The following SHROOM3 variants were observed in gnomAD, a reference collection of about 807,000 sequenced individuals.
SHROOM3 encodes the protein shroom family member 3.
In SHROOM3, 47 loss-of-function variants were observed where a neutral mutation model predicts 138.6. The ratio of observed to expected loss-of-function variants is 0.34; its 90% CI spans 0.27 to 0.43. SHROOM3 has a LOEUF of 0.43. Ranked by LOEUF, SHROOM3 falls within the 20% of genes least tolerant of loss-of-function variation. The pLI is 1.00. For missense variants in SHROOM3, 2,491 were observed against 2,596.5 expected (o/e 0.96, Z 0.88); for synonymous variants, 1,062 against 1,063.3 (o/e 1.00, Z 0.02).
chr4:76,520,266 T>C (rs1732534881), intron 1 of SHROOM3, among the ~76,000 whole-genome samples: 1 of 152,192 alleles, frequency 6.6e-6, no homozygotes, highest in Non-Finnish European at 1.5e-5. Flanking sequence ...TTGGCAGCAT[T>C]TCAAGACTTT....
rs1560563360 is a variant in SHROOM3, at chr4:76,608,663, T to TAGCATAGCATAGCATAGCAC, written c.323+52904_323+52905insTAGCATAGCATAGCACAGCA. Among the ~76,000 whole-genome samples, 13 of 31,440 alleles carry TAGCATAGCATAGCATAGCAC rather than the reference T, an allele frequency of 4.1e-4. 1 individual carries two copies. The highest frequency in any genetic ancestry group is 6.9e-4 in the African/African-American group (12 of 17,512). The allele number at this position is 31,440 out of a possible 152,430, so 20.6% of individuals were successfully genotyped here. ...TAGCATAGCATAGCATAGCATAGCA[T>TAGCATAGCATAGCATAGCAC]AGCACAGCATAGCACAGCACAGCAC... On this transcript the variant is annotated intron_variant, in intron 2 of 10. Coordinates refer to ENST00000296043, the MANE Select transcript of SHROOM3 (RefSeq NM_020859.4).
At chr4:76,777,683 G>C (rs1722612014) in intron 10 of SHROOM3, among the ~76,000 whole-genome samples, 1 of 152,124 alleles carries the variant, frequency 6.6e-6, no homozygotes, top group Non-Finnish European at 1.5e-5. Context: ...CAGTTCTCAG[G>C]GGGAATGCTT....
intron 1 of SHROOM3, among the ~76,000 whole-genome samples, chr4:76,527,165 A>G (rs1436485664): frequency 6.6e-6 from 1 of 152,204 alleles, no homozygotes. Flanking sequence ...TAGAAGAGTG[A>G]CACCACAGGT....
intron 2 of SHROOM3, among the ~76,000 whole-genome samples, chr4:76,583,349 T>G (rs1345871006): frequency 6.6e-6 from 1 of 152,182 alleles, no homozygotes; most frequent in East Asian, 1.9e-4. Flanking sequence ...TGCTCTATGC[T>G]CTCACCTCAG....
intron 2 of SHROOM3, among the ~76,000 whole-genome samples, chr4:76,590,585 C>T (rs1046901580): frequency 1.3e-5 from 2 of 150,704 alleles, no homozygotes; most frequent in African/African-American, 4.9e-5. Context: ...AGAATCAGGA[C>T]AGCATTCAGA....
intron 2 of SHROOM3, among the ~76,000 whole-genome samples, chr4:76,614,410 G>A (rs1734829542): frequency 6.6e-6 from 1 of 152,128 alleles, no homozygotes; most frequent in Admixed American, 6.5e-5. Flanking sequence ...GGGGCAAATG[G>A]AGGACTCGTG....
intron 1 of SHROOM3, among the ~76,000 whole-genome samples, chr4:76,466,722 A>G (rs1424706558): frequency 6.6e-6 from 1 of 152,190 alleles, no homozygotes; most frequent in Non-Finnish European, 1.5e-5. Flanking sequence ...CTGGCAAAAA[A>G]TACTCAGACT....
rs756944081 is a variant in SHROOM3 at position 76,741,790 on chromosome 4, C to T, written c.3617C>T (p.Pro1206Leu). 2.5e-6 allele frequency: 4 copies of T among 1,579,670 alleles called. No homozygotes were observed. The highest frequency in any genetic ancestry group is 2.6e-6 in the Non-Finnish European group (3 of 1,163,348). The change falls in exon 5 of 11, where the codon CCC (proline) becomes CTC (leucine). Residue 1206 changes from proline to leucine, a missense_variant. This residue lies in a region of SHROOM3 where 1,733 missense variants were observed against 1,661.6 expected (regional missense o/e 1.04). Transcript: ENST00000296043. The surrounding 1 kb of genome is among the most constrained non-coding windows in gnomAD (Gnocchi z 6.2). ...GGCACCCAGAGAGGGGATGAGACCC[C>T]CAGGGAGCCATCCTCCTGGGGGGCC... ...TRGTQRGDET[P>L]REPSSWGARA... is the part of the protein sequence containing the mutation.
At chr4:76,738,436 A>G (rs1274433032) in intron 4 of SHROOM3, among the ~76,000 whole-genome samples, 1 of 152,220 alleles carries the variant, frequency 6.6e-6, no homozygotes, top group Non-Finnish European at 1.5e-5. Context: ...TTCTTGGCAC[A>G]TGCAAAATGT....
At chr4:76,459,961 G>C (rs1416200071) in intron 1 of SHROOM3, among the ~76,000 whole-genome samples, 1 of 151,998 alleles carries the variant, frequency 6.6e-6, no homozygotes, top group African/African-American at 2.4e-5. Context: ...TATTTACAAG[G>C]TTCTTGTGAG....
At chr4:76,465,626 A>G (rs1006453338) in intron 1 of SHROOM3, among the ~76,000 whole-genome samples, 1 of 152,000 alleles carries the variant, frequency 6.6e-6, no homozygotes, top group Non-Finnish European at 1.5e-5. Context: ...CTCTTCTCCT[A>G]TTTCTGATAC....
chr4:76,502,870 A>T (rs140087215), intron 1 of SHROOM3, among the ~76,000 whole-genome samples: 2,228 of 152,266 alleles, frequency 0.015, 19 homozygotes, highest in Non-Finnish European at 0.021. Flanking sequence ...TATCCAGTGA[A>T]CCTAGAACCT....
rs148922977 is a variant in SHROOM3, at chr4:76,565,252, A to G, written c.323+9489A>G. On this transcript the variant is annotated intron_variant, in intron 2 of 10. Coordinates refer to ENST00000296043, the MANE Select transcript of SHROOM3 (RefSeq NM_020859.4). ...TGAGTTCTGAGATCAAATAAAAGTT[A>G]TGGTGGAATCTTTCCCCCCAGTTTT... 5.6e-3 allele frequency among the ~76,000 whole-genome samples: 847 copies of G among 151,876 alleles called. 11 individuals are homozygous for G. Among genetic ancestry groups the G allele is most frequent in the African/African-American group, 0.019 (807 of 41,392 alleles).
chr4:76,642,301 C>T (rs1443725030), intron 2 of SHROOM3, among the ~76,000 whole-genome samples: 2 of 152,310 alleles, frequency 1.3e-5, no homozygotes, highest in East Asian at 3.9e-4. Context: ...ATACATATGA[C>T]ACCCTCAACC....
chr4:76,570,924 C>T (rs560157968), intron 2 of SHROOM3, among the ~76,000 whole-genome samples: 5 of 152,276 alleles, frequency 3.3e-5, no homozygotes, highest in Non-Finnish European at 7.4e-5. Flanking sequence ...ACTAAATGTA[C>T]ATGAGGTGAT....
intron 2 of SHROOM3, among the ~76,000 whole-genome samples, chr4:76,648,253 A>G (rs1394647241): frequency 6.6e-6 from 1 of 152,230 alleles, no homozygotes; most frequent in African/African-American, 2.4e-5. Context: ...GCTTGAGTCC[A>G]GGAAGCTGAG....
rs574075300 is a variant in SHROOM3, at chr4:76,664,321, G to T, written c.324-45835G>T. 1.3e-5 allele frequency among the ~76,000 whole-genome samples: 2 copies of T among 152,264 alleles called. No homozygotes were observed. Among genetic ancestry groups the T allele is most frequent in the Non-Finnish European group, 2.9e-5 (2 of 68,026 alleles). ...CACTTTCTCATCTAAAGAGCTTACTGAACCTAACTTCTTTGGAGAACATCT... is the reference window on the plus strand; with the variant it reads ...CACTTTCTCATCTAAAGAGCTTACTTAACCTAACTTCTTTGGAGAACATCT... On this transcript the variant is annotated intron_variant, in intron 2 of 10. Transcript: ENST00000296043. The surrounding 1 kb of genome is among the most constrained non-coding windows in gnomAD (Gnocchi z 4.2).
intron 2 of SHROOM3, among the ~76,000 whole-genome samples, chr4:76,608,652 ATAG>A (rs1239388708): frequency 1.3e-3 from 32 of 24,658 alleles, no homozygotes; most frequent in African/African-American, 2.0e-3. Context: ...ATAGCATAGC[ATAG>A]CATAGCATAG....
chr4:76,650,704 C>T (rs897975874), intron 2 of SHROOM3, among the ~76,000 whole-genome samples: 2 of 152,030 alleles, frequency 1.3e-5, no homozygotes, highest in Non-Finnish European at 2.9e-5. Flanking sequence ...GCCACCACGC[C>T]CAGCTAATTT....
Sources: allele counts gnomAD v4.1 joint callset (sites outside exome capture counted in the v4.1 genomes callset), GRCh38; gene constraint gnomAD v4.1.1; regional missense constraint gnomAD v4.1.1; non-coding constraint Gnocchi (gnomAD v3.1); transcripts MANE v1.5; gene names NCBI Gene and HGNC (gene_info 2026-07-23, HGNC 2026-07-21).